Variants in ADHFE1 observed in about 807,000 individuals in gnomAD.
ADHFE1 encodes the protein hydroxyacid-oxoacid transhydrogenase, mitochondrial.
ADHFE1 carries 37 observed loss-of-function variants against 54.8 expected under a neutral mutation model. That is an observed-to-expected ratio of 0.68 (90% CI 0.52 to 0.89). ADHFE1 has a LOEUF of 0.89. Among genes scored for constraint, ADHFE1 ranks in the 40% least tolerant of loss-of-function variants. ADHFE1 has a pLI of 0.00. For synonymous variants in ADHFE1, 203 were observed against 229.3 expected, an observed-to-expected ratio of 0.89 and a Z score of 1.04; for missense variants, 601 against 591.2, an observed-to-expected ratio of 1.02 and a Z score of -0.17.
At chr8:66,458,795 T>C (rs1806731882) in intron 12 of ADHFE1, among the ~76,000 whole-genome samples, 1 of 152,224 alleles carries the variant, frequency 6.6e-6, no homozygotes, top group African/African-American at 2.4e-5. Context: ...ACTGATGTAT[T>C]CTTTTTCCTA....
At chr8:66,445,670 A>T (rs1249070802) in intron 6 of ADHFE1, among the ~76,000 whole-genome samples, 1 of 152,138 alleles carries the variant, frequency 6.6e-6, no homozygotes, top group Non-Finnish European at 1.5e-5. Context: ...GAAAAGGGGG[A>T]AGGTCATCAC....
intron 12 of ADHFE1, chr8:66,459,599 T>A (rs890515): frequency 0.64 from 96,274 of 151,478 alleles, 32,017 homozygotes; most frequent in African/African-American, 0.83. Flanking sequence ...TGCCCTTATG[T>A]ATCTTCTTTC....
At position 66,439,570 on chromosome 8, in the gene ADHFE1, C is replaced by T. The variant is rs1044684361; in HGVS notation, c.60-592C>T. 1 of 985,822 alleles carries T rather than the reference C, an allele frequency of 1.0e-6. No individual in the cohort carries two copies. The highest frequency in any genetic ancestry group is 1.2e-6 in the Non-Finnish European group (1 of 830,310). The allele number at this position is 985,822 out of a possible 1,614,324, so 61.1% of individuals were successfully genotyped here. A position where few individuals can be genotyped will look rare whatever the true frequency, so the allele number is the denominator to read the frequency against. ...GCGCGCAGCTGGGGCCTCTGGGGAG[C>T]GGCGCGGCGGGGACGGAGGAGAGCT... On this transcript the variant is annotated intron_variant, in intron 1 of 13. Coordinates refer to ENST00000396623, the MANE Select transcript of ADHFE1 (RefSeq NM_144650.3). This position sits in a 1 kb window ranked among gnomAD's most constrained non-coding sequence, Gnocchi z 4.4.
At chr8:66,452,209 C>A in intron 9 of ADHFE1, 104 bp downstream of exon 9, 1 of 1,439,012 alleles carries the variant, frequency 6.9e-7, no homozygotes, top group Non-Finnish European at 9.3e-7. Context: ...CAGGTCTGTT[C>A]CAGAAAAGCA....
At chr8:66,448,794 T>G (rs1183842103) in intron 7 of ADHFE1, 71 bp from the exon 8 acceptor site, 2 of 1,317,556 alleles carry the variant, frequency 1.5e-6, no homozygotes, top group African/African-American at 2.9e-5. Flanking sequence ...TGATTTATTA[T>G]CCTGAAGTCA....
At position 66,439,600 on chromosome 8, in the gene ADHFE1, G is replaced by A. The variant is rs1805640512; in HGVS notation, c.60-562G>A. ...CGGCGGGGACGGAGGAGAGCTCGGA[G>A]CCCGGGGCTGCAACTGGGCAGAGAA... is the stretch of plus-strand genomic sequence containing the variant. On this transcript the variant is annotated intron_variant, in intron 1 of 13. Transcript: ENST00000396623. This position sits in a 1 kb window ranked among gnomAD's most constrained non-coding sequence, Gnocchi z 4.4. 1.0e-6 allele frequency: 1 copy of A among 986,008 alleles called. No homozygotes were observed. Among genetic ancestry groups the A allele is most frequent in the African/African-American group, 1.7e-5 (1 of 57,382 alleles). The allele number at this position is 986,008 out of a possible 1,614,324, so 61.1% of individuals were successfully genotyped here.
intron 10 of ADHFE1, 90 bp from the exon 11 acceptor site, chr8:66,456,727 G>C: frequency 1.1e-6 from 1 of 951,108 alleles, no homozygotes; most frequent in African/African-American, 1.6e-5. Context: ...TCTAGAGGCC[G>C]TGACAGGCAT....
chr8:66,440,878 C>T (rs781658245), intron 2 of ADHFE1, among the ~76,000 whole-genome samples: 1 of 152,100 alleles, frequency 6.6e-6, no homozygotes, highest in Non-Finnish European at 1.5e-5. Flanking sequence ...AGAGGCTGAC[C>T]ATCCAGGATC....
chr8:66,449,118 A>G (rs1586460722), intron 8 of ADHFE1, 148 bp downstream of exon 8: 1 of 713,276 alleles, frequency 1.4e-6, no homozygotes, highest in Non-Finnish European at 2.3e-6. Context: ...CCTAAATCAA[A>G]CATTCAAGCT....
At chr8:66,453,328 G>T (rs1806400325) in intron 9 of ADHFE1, among the ~76,000 whole-genome samples, 1 of 152,166 alleles carries the variant, frequency 6.6e-6, no homozygotes, top group African/African-American at 2.4e-5. Context: ...GGGAAAAAAG[G>T]CTGTGCTTTT....
At chr8:66,466,469 A>AGCTCTTACATTTAGGTTTTT (rs1807193554) in intron 13 of ADHFE1, among the ~76,000 whole-genome samples, 1 of 152,090 alleles carries the variant, frequency 6.6e-6, no homozygotes, top group Non-Finnish European at 1.5e-5. Context: ...TTAGGGTTCT[A>AGCTCTTACATTTAGGTTTTT]GCTCTTACAT....
Position 66,450,992 on chromosome 8 carries a change from G to A in ADHFE1, c.735-961G>A, listed in dbSNP as rs116771598. The stretch of plus-strand genomic sequence containing the variant: ...AACTGTAATTCATGCAAAACATGGG[G>A]TCATCTCCCTTCACAGTCAAGTGAA... On this transcript the variant is annotated intron_variant, in intron 8 of 13. Coordinates refer to ENST00000396623, the MANE Select transcript of ADHFE1 (RefSeq NM_144650.3). Among the ~76,000 whole-genome samples the A allele has an allele frequency of 1.9e-3, 292 of 152,332 alleles. 2 individuals carry two copies. The highest frequency in any genetic ancestry group is 6.8e-3 in the African/African-American group (283 of 41,570).
intron 6 of ADHFE1, among the ~76,000 whole-genome samples, chr8:66,445,872 G>A (rs1461552915): frequency 7.9e-5 from 12 of 152,192 alleles, no homozygotes; most frequent in Non-Finnish European, 2.9e-5. Flanking sequence ...GGGACATGTG[G>A]CCAGCATGGC....
chr8:66,456,498 C>A (rs542486435), intron 10 of ADHFE1, among the ~76,000 whole-genome samples: 1 of 152,174 alleles, frequency 6.6e-6, no homozygotes, highest in Non-Finnish European at 1.5e-5. Context: ...ACAGAAACTT[C>A]GAAGTGAATT....
intron 2 of ADHFE1, among the ~76,000 whole-genome samples, chr8:66,442,005 G>A (rs72652745): frequency 0.097 from 14,675 of 150,938 alleles, 815 homozygotes; most frequent in East Asian, 0.25. Flanking sequence ...ATTTCACCAA[G>A]ATAAATAAGC....
rs535255471 is a variant in ADHFE1 at position 66,440,945 on chromosome 8, G to A, written c.97+746G>A. ...GGAGTTAGAACAGAGAGAGTAACTC[G>A]CCAAGGGCTTTCTCTTGCCCAAGGA... is the stretch of plus-strand genomic sequence containing the variant. On this transcript the variant is annotated intron_variant, in intron 2 of 13. Coordinates refer to ENST00000396623, the MANE Select transcript of ADHFE1 (RefSeq NM_144650.3). Among the ~76,000 whole-genome samples the A allele has an allele frequency of 2.2e-4, 33 of 152,224 alleles. 1 individual carries two copies. In the East Asian group the frequency reaches 4.8e-3, roughly 22 times the overall value.
At chr8:66,448,729 C>T (rs1806155719) in intron 7 of ADHFE1, 136 bp from the exon 8 acceptor site, 9 of 818,018 alleles carry the variant, frequency 1.1e-5, no homozygotes, top group Non-Finnish European at 1.7e-5. Flanking sequence ...TTCCATTGCT[C>T]CTTACTGCCT....
chr8:66,456,863 G>A lies in ADHFE1; in HGVS notation c.1033G>A (p.Ala345Thr). ...TTCAGGTTTAGTGAAGATGTATAAA[G>A]CAAAGGATTACAATGTGGATCACCC... The part of the protein sequence containing the change: ...PISGLVKMYK[A>T]KDYNVDHPLV... Residue 345 changes from alanine (A) to threonine (T), a missense_variant, in exon 11 of 14, where the codon GCA (alanine) becomes ACA (threonine). By Grantham distance (58) the Ala-to-Thr change is moderately conservative (BLOSUM62 0). Transcript: ENST00000396623. 6.3e-7 allele frequency: 1 copy of A among 1,596,722 alleles called. No individual in the cohort carries two copies. The highest frequency in any genetic ancestry group is 1.1e-5 in the South Asian group (1 of 87,406).
At position 66,468,357 on chromosome 8, in the gene ADHFE1, C is replaced by T. The variant is rs1180161482; in HGVS notation, c.*5C>T. On this transcript the variant is annotated 3_prime_UTR_variant, in exon 14 of 14. Transcript: ENST00000396623. ...GCTTCAATGAAACTGTATTAATTGT[C>T]ATTTTAACTGAAAGAATTACCGCTG... 1 of 1,609,142 alleles carries T rather than the reference C, an allele frequency of 6.2e-7. No homozygotes were observed. Among genetic ancestry groups the T allele is most frequent in the Non-Finnish European group, 8.5e-7 (1 of 1,177,156 alleles).
Sources: gnomAD v4.1 joint callset for allele counts (sites outside exome capture counted in the v4.1 genomes callset) on GRCh38, gnomAD v4.1.1 for gene constraint, Gnocchi (gnomAD v3.1) non-coding constraint, MANE v1.5 for transcripts, NCBI Gene and HGNC (gene_info 2026-07-23, HGNC 2026-07-21) for gene names.